SMAD3: variants seen among roughly 807,000 people sequenced by gnomAD.
SMAD3 encodes the protein SMAD family member 3.
SMAD3 carries 12 observed loss-of-function variants against 51.8 expected under a neutral mutation model. That is an observed-to-expected ratio of 0.23 (90% CI 0.15 to 0.38). The LOEUF (loss-of-function observed/expected upper bound fraction) is 0.38, where lower values mean the gene tolerates loss of function less well. Among genes scored for constraint, SMAD3 ranks in the 10% least tolerant of loss-of-function variants. The pLI is 1.00. For missense variants in SMAD3, 294 were observed against 565.6 expected, an observed-to-expected ratio of 0.52 and a Z score of 4.87; for synonymous variants, 238 against 227.7, an observed-to-expected ratio of 1.05 and a Z score of -0.41.
Position 67,194,335 on chromosome 15 carries a change from A to G in SMAD3, c.*3799A>G, listed in dbSNP as rs993637234. 6.0e-5 allele frequency: 14 copies of G among 233,184 alleles called. No homozygotes were observed. The East Asian group carries it at 7.2e-4, about 12-fold the overall frequency. 14.4% of individuals were successfully genotyped at this position (233,184 alleles called of 1,614,324 possible). A position where few individuals can be genotyped will look rare whatever the true frequency, so the allele number is the denominator to read the frequency against. ...TAGGGAAAGCAGAAAAACGTACGCA[A>G]GAGGACATGGATCCAAAATGATGAT... On this transcript the variant is annotated 3_prime_UTR_variant, in exon 9 of 9. Transcript: ENST00000327367.
chr15:67,151,124 G>T (rs894018795), intron 1 of SMAD3, among the ~76,000 whole-genome samples: 1 of 151,808 alleles, frequency 6.6e-6, no homozygotes. Flanking sequence ...TACCCAGAGT[G>T]CTGGGATTAC....
Position 67,098,353 on chromosome 15 carries a change from AGC to A in SMAD3, c.206+31995_206+31996del, listed in dbSNP as rs386383339. ...GAGGGAGGGAGGGAGGGAGGGAGAG[AGC>A]GAGCGAGCAAGCAAGCAAGCAAGCC... is the stretch of plus-strand genomic sequence containing the variant. On this transcript the variant is annotated intron_variant, in intron 1 of 8. Transcript: ENST00000327367. 3.8e-3 allele frequency among the ~76,000 whole-genome samples: 490 copies of A among 130,038 alleles called. 1 individual carries two copies. Among genetic ancestry groups the A allele is most frequent in the Admixed American group, 4.9e-3 (61 of 12,400 alleles). 85.3% of individuals were successfully genotyped at this position (130,038 alleles called of 152,430 possible). A position where few individuals can be genotyped will look rare whatever the true frequency, so the allele number is the denominator to read the frequency against.
Position 67,193,688 on chromosome 15 carries a change from T to C in SMAD3, c.*3152T>C, listed in dbSNP as rs1413732267. 1 of 233,204 alleles carries C rather than the reference T, an allele frequency of 4.3e-6. No individual in the cohort carries two copies. The highest frequency in any genetic ancestry group is 2.2e-5 in the African/African-American group (1 of 45,226). The allele number at this position is 233,204 out of a possible 1,614,324, so 14.4% of individuals were successfully genotyped here. On this transcript the variant is annotated 3_prime_UTR_variant, in exon 9 of 9. Transcript: ENST00000327367. ...GTCTCCATTGTCCTTATGTTGTCTG[T>C]GTTGTATTTTTTTTTTTTTATTGAC...
chr15:67,088,639 G>T (rs1960445537), intron 1 of SMAD3, among the ~76,000 whole-genome samples: 1 of 152,120 alleles, frequency 6.6e-6, no homozygotes, highest in Admixed American at 6.5e-5. Flanking sequence ...GGTGGGAAGG[G>T]GATGCTAAGG....
chr15:67,077,121 C>T (rs548580833), intron 1 of SMAD3, among the ~76,000 whole-genome samples: 27 of 152,216 alleles, frequency 1.8e-4, no homozygotes, highest in East Asian at 3.9e-4. Flanking sequence ...GATGATAGAA[C>T]GCATTCTGTG....
At chr15:67,083,322 C>T (rs1033933678) in intron 1 of SMAD3, among the ~76,000 whole-genome samples, 1 of 152,198 alleles carries the variant, frequency 6.6e-6, no homozygotes, top group Non-Finnish European at 1.5e-5. Flanking sequence ...AGATGTTTAC[C>T]ATCGCCTGTT....
intron 1 of SMAD3, chr15:67,138,428 G>A (rs1961727740): frequency 1.2e-5 from 4 of 320,872 alleles, no homozygotes; most frequent in South Asian, 7.7e-5. Context: ...TGGGGAGAGC[G>A]TGCTGGGGAG....
intron 7 of SMAD3, 21 bp from the exon 8 acceptor site, chr15:67,187,344 C>T (rs996266793): frequency 3.1e-6 from 5 of 1,614,130 alleles, no homozygotes; most frequent in Non-Finnish European, 3.4e-6. Context: ...CCCCACAGCC[C>T]TGTTTCTGTG....
At chr15:67,141,735 G>A (rs1422492986) in intron 1 of SMAD3, among the ~76,000 whole-genome samples, 1 of 152,104 alleles carries the variant, frequency 6.6e-6, no homozygotes, top group African/African-American at 2.4e-5. Flanking sequence ...TCATTACCTG[G>A]AAAGTCCGAT....
chr15:67,166,306 C>A, intron 3 of SMAD3: 1 of 332,420 alleles, frequency 3.0e-6, no homozygotes, highest in Non-Finnish European at 4.7e-6. Context: ...GAACTTGCAA[C>A]CTAACTGCTG....
At chr15:67,146,707 T>C (rs1436973754) in intron 1 of SMAD3, among the ~76,000 whole-genome samples, 1 of 152,184 alleles carries the variant, frequency 6.6e-6, no homozygotes, top group Non-Finnish European at 1.5e-5. Flanking sequence ...AATGAGCCTT[T>C]TCCTTCTGTT....
At chr15:67,069,079 T>A (rs1959992517) in intron 1 of SMAD3, among the ~76,000 whole-genome samples, 1 of 152,152 alleles carries the variant, frequency 6.6e-6, no homozygotes, top group South Asian at 2.1e-4. Flanking sequence ...GGCTAATATA[T>A]AATCATGAGC....
chr15:67,160,459 C>A (rs541436043), intron 1 of SMAD3, among the ~76,000 whole-genome samples: 7 of 152,168 alleles, frequency 4.6e-5, no homozygotes, highest in Non-Finnish European at 1.0e-4. Context: ...CTGTTCAAAT[C>A]ATGTATCTCT....
intron 1 of SMAD3, among the ~76,000 whole-genome samples, chr15:67,121,872 A>T (rs1016987401): frequency 6.6e-6 from 1 of 152,232 alleles, no homozygotes; most frequent in Non-Finnish European, 1.5e-5. Flanking sequence ...CAGTTTACAA[A>T]TGCCATCTGA....
intron 1 of SMAD3, among the ~76,000 whole-genome samples, chr15:67,081,284 G>A (rs1205671330): frequency 6.6e-6 from 1 of 152,176 alleles, no homozygotes; most frequent in Non-Finnish European, 1.5e-5. Context: ...ACTGAGCCCT[G>A]GTGTCATGGG....
chr15:67,116,025 T>C (rs1961127461), intron 1 of SMAD3, among the ~76,000 whole-genome samples: 1 of 152,202 alleles, frequency 6.6e-6, no homozygotes, highest in Admixed American at 6.5e-5. Context: ...AGTCCAGAGA[T>C]GAGAGAGATG....
At chr15:67,135,466 A>G (rs1961635596) in intron 1 of SMAD3, among the ~76,000 whole-genome samples, 1 of 152,208 alleles carries the variant, frequency 6.6e-6, no homozygotes, top group African/African-American at 2.4e-5. Context: ...TTGAGAGCCA[A>G]AACTTCTTGC....
At chr15:67,092,616 G>A (rs1008129867) in intron 1 of SMAD3, among the ~76,000 whole-genome samples, 36 of 152,218 alleles carry the variant, frequency 2.4e-4, no homozygotes, top group African/African-American at 8.7e-4. Flanking sequence ...GATGCACCGT[G>A]TGGAAGCTGG....
At chr15:67,153,286 GT>G (rs1236360717) in intron 1 of SMAD3, among the ~76,000 whole-genome samples, 1 of 152,134 alleles carries the variant, frequency 6.6e-6, no homozygotes, top group Admixed American at 6.5e-5. Context: ...GAGGTCAGGC[GT>G]TTGAGACCAG....
Sources: allele counts gnomAD v4.1 joint callset (sites outside exome capture counted in the v4.1 genomes callset), GRCh38; gene constraint gnomAD v4.1.1; transcripts MANE v1.5; gene names NCBI Gene and HGNC (gene_info 2026-07-23, HGNC 2026-07-21).